Variants in SOX5 observed in about 807,000 individuals in gnomAD.
SOX5 encodes SRY-box transcription factor 5, also known as transcription factor SOX-5.
In SOX5, 9 loss-of-function variants were observed where a neutral mutation model predicts 92.0. The ratio of observed to expected loss-of-function variants is 0.10; its 90% confidence interval spans 0.06 to 0.17. SOX5 has a LOEUF of 0.17. Among genes scored for constraint, SOX5 ranks in the 10% least tolerant of loss-of-function variants. The probability of loss-of-function intolerance (pLI) is 1.00; values close to 1 mark genes in which losing one functional copy is unlikely to be tolerated. For synonymous variants in SOX5, 344 were observed against 336.3 expected (o/e 1.02, Z -0.25); for missense variants, 642 against 944.5 (o/e 0.68, Z 4.20).
chr12:24,340,334 G>A (rs1952432758), intron 2 of SOX5, among the ~76,000 whole-genome samples: 1 of 152,196 alleles, frequency 6.6e-6, no homozygotes, highest in African/African-American at 2.4e-5. Flanking sequence ...ATCAAGTTAA[G>A]TTAAACATAA....
intron 3 of SOX5, among the ~76,000 whole-genome samples, chr12:23,771,748 A>G (rs907483125): frequency 6.6e-5 from 10 of 152,168 alleles, no homozygotes; most frequent in Non-Finnish European, 1.3e-4. Context: ...TTTCATATAG[A>G]CACCTTTCTC....
intron 3 of SOX5, among the ~76,000 whole-genome samples, chr12:24,275,822 G>T (rs1204013473): frequency 2.0e-5 from 3 of 151,898 alleles, no homozygotes; most frequent in Non-Finnish European, 4.4e-5. Context: ...CAAACACAAG[G>T]TTTCCCCAAA....
rs2074776928 is a variant in SOX5, at chr12:23,603,397, A to T, written c.1164+990T>A. Among the ~76,000 whole-genome samples the T allele has an allele frequency of 2.7e-5, 4 of 148,094 alleles. No individual in the cohort carries two copies. The South Asian group carries it at 8.5e-4, about 32-fold the overall frequency. ...TCAACATGGCATTCATGGGATGGAG[A>T]ACAGAAGCAATTTTCTACATAATTC... On this transcript the variant is annotated intron_variant, in intron 9 of 14. Coordinates refer to ENST00000451604, the MANE Select transcript of SOX5 (RefSeq NM_006940.6).
Position 24,486,571 on chromosome 12 carries a change from C to T in SOX5, c.-251+75758G>A, listed in dbSNP as rs573321971. Among the ~76,000 whole-genome samples, 14 of 152,304 alleles carry T rather than the reference C, an allele frequency of 9.2e-5. No individual in the cohort carries two copies. In the South Asian group the frequency reaches 2.5e-3, roughly 27 times the overall value. ...CCTTGTCCCCTCTGGCCTCTCTTCTCGATCTTTCTCAAGCCCCCTCATCAT... is the reference window on the plus strand; with the variant it reads ...CCTTGTCCCCTCTGGCCTCTCTTCTTGATCTTTCTCAAGCCCCCTCATCAT... On this transcript the variant is annotated intron_variant, in intron 1 of 4. Coordinates refer to the SOX5 transcript ENST00000446891.
At chr12:24,528,038 C>T (rs568226260) in intron 1 of SOX5, among the ~76,000 whole-genome samples, 248 of 152,322 alleles carry the variant, frequency 1.6e-3, no homozygotes, top group African/African-American at 5.1e-3. Flanking sequence ...CACACACTTC[C>T]ATAAATGCAA....
chr12:24,429,705 T>C (rs953567057), intron 1 of SOX5, among the ~76,000 whole-genome samples: 2 of 152,144 alleles, frequency 1.3e-5, no homozygotes, highest in Non-Finnish European at 2.9e-5. Flanking sequence ...AAAAATGGTA[T>C]GTTTTGTAGA....
chr12:24,171,872 C>A (rs1478115075), intron 4 of SOX5, among the ~76,000 whole-genome samples: 1 of 151,964 alleles, frequency 6.6e-6, no homozygotes, highest in Admixed American at 6.6e-5. Flanking sequence ...CTGACGCACT[C>A]TGATTGAGGG....
At chr12:23,605,057 A>G (rs2075073107) in intron 8 of SOX5, among the ~76,000 whole-genome samples, 1 of 152,130 alleles carries the variant, frequency 6.6e-6, no homozygotes, top group South Asian at 2.1e-4. Context: ...GAAGAAGATT[A>G]TCTGGTCAGT....
chr12:23,826,434 C>T (rs2096236024), intron 3 of SOX5, among the ~76,000 whole-genome samples: 1 of 152,112 alleles, frequency 6.6e-6, no homozygotes, highest in African/African-American at 2.4e-5. Context: ...TATAGTTCTC[C>T]TTCAAAACTT....
At chr12:23,619,342 CT>C (rs1392962160) in intron 8 of SOX5, among the ~76,000 whole-genome samples, 1 of 152,116 alleles carries the variant, frequency 6.6e-6, no homozygotes, top group African/African-American at 2.4e-5. Context: ...CATGTCATAT[CT>C]CTTGGAACCT....
At chr12:23,727,134 T>G (rs1309155620) in intron 6 of SOX5, among the ~76,000 whole-genome samples, 3 of 152,204 alleles carry the variant, frequency 2.0e-5, no homozygotes, top group Non-Finnish European at 4.4e-5. Flanking sequence ...GTGATTTTTC[T>G]GAGCAGCTCA....
Position 24,497,026 on chromosome 12 carries a change from T to C in SOX5, c.-251+65303A>G, listed in dbSNP as rs532258776. Among the ~76,000 whole-genome samples the C allele has an allele frequency of 2.0e-5, 3 of 152,372 alleles. No homozygotes were observed. The East Asian group carries it at 5.8e-4, about 29-fold the overall frequency. ...ATTTGTTAGAAAATGATCTCACTTA[T>C]AACACAGTCCTCCAACAAAGACACT... On this transcript the variant is annotated intron_variant, in intron 1 of 4. Coordinates refer to the SOX5 transcript ENST00000446891.
intron 4 of SOX5, among the ~76,000 whole-genome samples, chr12:24,022,924 A>G (rs1432789661): frequency 6.8e-6 from 1 of 147,274 alleles, no homozygotes. Flanking sequence ...CCATGGGTAA[A>G]AAAAAAAAAC....
intron 1 of SOX5, among the ~76,000 whole-genome samples, chr12:24,413,508 A>ACATAAT (rs1485786669): frequency 6.6e-6 from 1 of 152,248 alleles, no homozygotes; most frequent in East Asian, 1.9e-4. Context: ...ACAATGAACT[A>ACATAAT]CATAATGAGA....
At chr12:24,560,696 G>T (rs963047778) in intron 1 of SOX5, among the ~76,000 whole-genome samples, 1 of 152,182 alleles carries the variant, frequency 6.6e-6, no homozygotes, top group Non-Finnish European at 1.5e-5. Context: ...AAGGCTCTAA[G>T]AAATCGTCCT....
chr12:23,734,600 G>T, intron 6 of SOX5, 84 bp downstream of exon 6: 1 of 979,306 alleles, frequency 1.0e-6, no homozygotes, highest in Non-Finnish European at 1.5e-6. Context: ...TTATTTTGGA[G>T]GTCATTTCAG....
chr12:24,313,528 C>CA (rs112800223), intron 2 of SOX5, among the ~76,000 whole-genome samples: 1,903 of 151,650 alleles, frequency 0.013, 36 homozygotes, highest in African/African-American at 0.044. Flanking sequence ...AGAATGTATC[C>CA]AAAAAAAATA....
chr12:23,629,365 T>C, intron 8 of SOX5, among the ~76,000 whole-genome samples: 1 of 152,042 alleles, frequency 6.6e-6, no homozygotes, highest in East Asian at 1.9e-4. Context: ...AAGAATATCA[T>C]GGCAAAATGG....
intron 9 of SOX5, among the ~76,000 whole-genome samples, chr12:23,600,759 C>T (rs888723121): frequency 6.6e-6 from 1 of 151,670 alleles, no homozygotes; most frequent in African/African-American, 2.4e-5. Context: ...CAGAACACAA[C>T]TCCAGTGTGC....
Sources: allele counts gnomAD v4.1 joint callset (sites outside exome capture counted in the v4.1 genomes callset), GRCh38; gene constraint gnomAD v4.1.1; transcripts MANE v1.5; gene names NCBI Gene and HGNC (gene_info 2026-07-23, HGNC 2026-07-21).